Variants in GRIN2B observed in about 807,000 individuals in gnomAD.
GRIN2B encodes glutamate ionotropic receptor NMDA type subunit 2B, also known as glutamate receptor ionotropic, NMDA 2B.
GRIN2B carries 5 observed loss-of-function variants against 114.5 expected under a neutral mutation model. That is an observed-to-expected ratio of 0.04 (90% CI 0.02 to 0.09). GRIN2B has a LOEUF of 0.09. Ranked by LOEUF, GRIN2B falls within the 10% of genes least tolerant of loss-of-function variation. The pLI, the probability that GRIN2B is intolerant of heterozygous loss-of-function variation, is 1.00. For synonymous variants in GRIN2B, 787 were observed against 745.1 expected (o/e 1.06, Z -0.92); for missense variants, 1,108 against 1,943.5 (o/e 0.57, Z 8.08).
chr12:13,958,991 C>T (rs1276843886), intron 2 of GRIN2B, among the ~76,000 whole-genome samples: 2 of 152,056 alleles, frequency 1.3e-5, no homozygotes, highest in African/African-American at 4.8e-5. Flanking sequence ...GGGAAAGAAA[C>T]ATACACATTT....
chr12:13,870,704 G>A (rs1865891033), intron 2 of GRIN2B, among the ~76,000 whole-genome samples: 1 of 152,176 alleles, frequency 6.6e-6, no homozygotes, highest in African/African-American at 2.4e-5. Context: ...TTCAATTAAG[G>A]AGACTATGAC....
Position 13,562,649 on chromosome 12 carries a change from AT to A in GRIN2B, c.*133del, listed in dbSNP as rs1267362832. 5 of 797,600 alleles carry A rather than the reference AT, an allele frequency of 6.3e-6. No homozygotes were observed. Among genetic ancestry groups the A allele is most frequent in the Non-Finnish European group, 1.1e-5 (5 of 460,766 alleles). 49.4% of individuals were successfully genotyped at this position (797,600 alleles called of 1,614,324 possible). On this transcript the variant is annotated 3_prime_UTR_variant, in exon 14 of 14. Transcript: ENST00000609686. ...CCCCAGTAGGAACCAGAACTCCAGG[AT>A]CCCATAAATAAATTAAAACAAGAAA...
chr12:13,682,198 G>C (rs1950137106), intron 4 of GRIN2B, among the ~76,000 whole-genome samples: 1 of 152,122 alleles, frequency 6.6e-6, no homozygotes, highest in Non-Finnish European at 1.5e-5. Context: ...AACATGGCAG[G>C]CAAGATTATT....
chr12:13,968,356 C>T (rs1169765899), intron 2 of GRIN2B, among the ~76,000 whole-genome samples: 5 of 152,166 alleles, frequency 3.3e-5, no homozygotes, highest in Admixed American at 3.3e-4. Flanking sequence ...TACATTTCCT[C>T]ATTCAGTCCA....
rs956051675 is a variant in GRIN2B, at chr12:13,826,913, C to CT, written c.411+38884dup. 4.6e-3 allele frequency among the ~76,000 whole-genome samples: 690 copies of CT among 150,600 alleles called. 3 individuals carry two copies. The highest frequency in any genetic ancestry group is 0.012 in the South Asian group (58 of 4,760). ...ATGTACCATTGACTAATTACCTCAGCTTTTTTTTTCCTCTGAAAGCCTTTA... is the reference window on the plus strand; with the variant it reads ...ATGTACCATTGACTAATTACCTCAGCTTTTTTTTTTCCTCTGAAAGCCTTTA... On this transcript the variant is annotated intron_variant, in intron 3 of 13. Coordinates refer to ENST00000609686, the MANE Select transcript of GRIN2B (RefSeq NM_000834.5).
At chr12:13,921,810 A>T (rs1306778632) in intron 2 of GRIN2B, among the ~76,000 whole-genome samples, 1 of 152,160 alleles carries the variant, frequency 6.6e-6, no homozygotes, top group Non-Finnish European at 1.5e-5. Flanking sequence ...CATCTCCAAC[A>T]GTCCCTGGCC....
At chr12:13,815,492 T>C (rs1015410758) in intron 3 of GRIN2B, among the ~76,000 whole-genome samples, 6 of 151,928 alleles carry the variant, frequency 3.9e-5, no homozygotes, top group African/African-American at 1.5e-4. Context: ...AAAGAGTGGG[T>C]TGTTTATTGA....
In GRIN2B at chr12:13,906,145, T is replaced by C. The variant is rs184141475; in HGVS notation, c.-18-39919A>G. On this transcript the variant is annotated intron_variant, in intron 2 of 13. Coordinates refer to ENST00000609686, the MANE Select transcript of GRIN2B (RefSeq NM_000834.5). ...TTTGATGGTTTCAGACATCCTTTTA[T>C]TGACATTTTAATTTGTTTTTAGCAG... Among the ~76,000 whole-genome samples the C allele has an allele frequency of 8.5e-5, 13 of 152,354 alleles. No homozygotes were observed. In the East Asian group the frequency reaches 2.5e-3, roughly 29 times the overall value.
intron 3 of GRIN2B, among the ~76,000 whole-genome samples, chr12:13,857,989 C>G (rs1403636536): frequency 6.6e-6 from 1 of 151,826 alleles, no homozygotes. Flanking sequence ...AGCCAGTGAA[C>G]CACCCCCAGC....
chr12:13,925,276 T>C (rs1489221024), intron 2 of GRIN2B, among the ~76,000 whole-genome samples: 2 of 152,152 alleles, frequency 1.3e-5, no homozygotes, highest in African/African-American at 2.4e-5. Context: ...ACGACCCTGG[T>C]TTCTGCAAAA....
chr12:13,739,181 G>A (rs929138207), intron 4 of GRIN2B, among the ~76,000 whole-genome samples: 5 of 151,916 alleles, frequency 3.3e-5, no homozygotes, highest in African/African-American at 9.7e-5. Context: ...AGGAGTTCGA[G>A]ACCAGCCTAA....
In GRIN2B at chr12:13,971,486, T is replaced by C. The variant is rs529569790; in HGVS notation, c.-19+8442A>G. Reference sequence around the variant, plus strand: ...AGAAGAACGACATCTTGATGCCTCCTACCCTCTTCCTCCTCTGCGTGCCTT... The same window carrying C: ...AGAAGAACGACATCTTGATGCCTCCCACCCTCTTCCTCCTCTGCGTGCCTT... On this transcript the variant is annotated intron_variant, in intron 2 of 13. Coordinates refer to ENST00000609686, the MANE Select transcript of GRIN2B (RefSeq NM_000834.5). Among the ~76,000 whole-genome samples, 3 of 152,284 alleles carry C rather than the reference T, an allele frequency of 2.0e-5. No individual in the cohort carries two copies. The South Asian group carries it at 6.2e-4, about 32-fold the overall frequency.
intron 4 of GRIN2B, among the ~76,000 whole-genome samples, chr12:13,720,544 C>T (rs1409840542): frequency 6.6e-6 from 1 of 151,972 alleles, no homozygotes; most frequent in Non-Finnish European, 1.5e-5. Flanking sequence ...ACTAAAAGTC[C>T]CTTATTGGCT....
intron 10 of GRIN2B, among the ~76,000 whole-genome samples, chr12:13,579,789 T>A (rs968023992): frequency 6.6e-6 from 1 of 151,784 alleles, no homozygotes; most frequent in African/African-American, 2.4e-5. Flanking sequence ...AACAGACGCA[T>A]TGTCAGATAT....
intron 2 of GRIN2B, among the ~76,000 whole-genome samples, chr12:13,960,359 C>A (rs1867667562): frequency 6.6e-6 from 1 of 151,972 alleles, no homozygotes; most frequent in African/African-American, 2.4e-5. Context: ...ATAAGGAAAC[C>A]AAGACTCAGG....
At chr12:13,625,902 G>C (rs1949560419) in intron 5 of GRIN2B, among the ~76,000 whole-genome samples, 1 of 152,146 alleles carries the variant, frequency 6.6e-6, no homozygotes, top group Non-Finnish European at 1.5e-5. Flanking sequence ...TTTTAGAAAA[G>C]GGCATTAATT....
chr12:13,818,043 T>G (rs1047846872), intron 3 of GRIN2B, among the ~76,000 whole-genome samples: 1 of 152,212 alleles, frequency 6.6e-6, no homozygotes, highest in East Asian at 1.9e-4. Flanking sequence ...ACTCAAGAAA[T>G]CATAAATGGA....
intron 3 of GRIN2B, among the ~76,000 whole-genome samples, chr12:13,847,617 G>C (rs949998856): frequency 5.3e-5 from 8 of 152,088 alleles, no homozygotes; most frequent in Admixed American, 3.3e-4. Context: ...CAGGAGATGG[G>C]GGGGAGGACA....
intron 2 of GRIN2B, among the ~76,000 whole-genome samples, chr12:13,879,504 G>C (rs1465519760): frequency 2.0e-5 from 3 of 148,218 alleles, no homozygotes; most frequent in Non-Finnish European, 3.0e-5. Flanking sequence ...ATGCAGAAAA[G>C]AAATTAGAAT....
Sources: allele counts gnomAD v4.1 joint callset (sites outside exome capture counted in the v4.1 genomes callset), GRCh38; gene constraint gnomAD v4.1.1; transcripts MANE v1.5; gene names NCBI Gene and HGNC (gene_info 2026-07-23, HGNC 2026-07-21).